Variants in HNF1A observed in about 807,000 individuals in gnomAD.
HNF1A encodes the protein HNF1 homeobox A.
In HNF1A, 21 loss-of-function variants were observed where a neutral mutation model predicts 62.2. The observed-to-expected ratio is 0.34, with a 90% CI of 0.24 to 0.49. The LOEUF (loss-of-function observed/expected upper bound fraction) is 0.49, where lower values mean the gene tolerates loss of function less well. Ranked by LOEUF, HNF1A falls within the 20% of genes least tolerant of loss-of-function variation. HNF1A has a pLI of 0.99. For missense variants in HNF1A, 687 were observed against 832.3 expected, an observed-to-expected ratio of 0.83 and a Z score of 2.15; for synonymous variants, 374 against 366.8, an observed-to-expected ratio of 1.02 and a Z score of -0.22.
At chr12:121,000,942 T>C in intron 9 of HNF1A, 123 bp from the exon 10 acceptor site, 1 of 1,368,258 alleles carries the variant, frequency 7.3e-7, no homozygotes, top group Non-Finnish European at 1.0e-6. Flanking sequence ...TTGGGGTTCC[T>C]GTTATCTGCT....
At chr12:120,982,849 T>C (rs911310323) in intron 1 of HNF1A, among the ~76,000 whole-genome samples, 1 of 152,202 alleles carries the variant, frequency 6.6e-6, no homozygotes, top group Admixed American at 6.5e-5. Context: ...CAGTCATTCC[T>C]GCTGTTTAAG....
Position 120,997,620 on chromosome 12 carries a change from C to T in HNF1A, c.1456C>T (p.Gln486Ter), listed in dbSNP as rs1326463452. 6.2e-7 allele frequency: 1 copy of T among 1,613,594 alleles called. No individual in the cohort carries two copies. Among genetic ancestry groups the T allele is most frequent in the Admixed American group, 1.7e-5 (1 of 60,000 alleles). Residue 486 changes from glutamine (Q) to a stop codon, truncating the protein, a stop_gained, in exon 7 of 10, where the codon CAG becomes TAG. Transcript: ENST00000257555. LOFTEE classifies it high-confidence loss of function. ...LMPPVQSHVT[Q>*]SPFMATMAQL... is the part of the protein sequence containing the mutation. ...GCCACCTGTGCAGAGCCATGTGACC[C>T]AGAGCCCCTTCATGGCCACCATGGC...
Position 121,001,252 on chromosome 12 carries a change from C to T in HNF1A, c.*60C>T. 1 of 1,596,256 alleles carries T rather than the reference C, an allele frequency of 6.3e-7. No homozygotes were observed. The highest frequency in any genetic ancestry group is 8.5e-7 in the Non-Finnish European group (1 of 1,170,210). On this transcript the variant is annotated 3_prime_UTR_variant, in exon 10 of 10. Coordinates refer to ENST00000257555, the MANE Select transcript of HNF1A (RefSeq NM_000545.8). ...GCTTGGGGGGTGATGAGGGCAGCAG[C>T]CAGCCCTGCCTGGAGGACCTGAGCC...
chr12:120,995,365 A>C (rs1196079594), intron 4 of HNF1A, among the ~76,000 whole-genome samples: 3 of 141,644 alleles, frequency 2.1e-5, no homozygotes, highest in African/African-American at 5.3e-5. Flanking sequence ...CATCCACTGC[A>C]CTCCAACCAG....
At chr12:120,983,054 G>C (rs1876331317) in intron 1 of HNF1A, among the ~76,000 whole-genome samples, 1 of 152,328 alleles carries the variant, frequency 6.6e-6, no homozygotes, top group Non-Finnish European at 1.5e-5. Context: ...ACACTGAGAA[G>C]TCAGCTCCCC....
intron 4 of HNF1A, among the ~76,000 whole-genome samples, chr12:120,994,878 AC>A (rs1180485545): frequency 9.0e-6 from 1 of 111,382 alleles, no homozygotes; most frequent in Non-Finnish European, 2.2e-5. Context: ...CATCCACTCC[AC>A]TCCATCCATT....
At position 120,987,388 on chromosome 12, in the gene HNF1A, C is replaced by T. The variant is rs546629088; in HGVS notation, c.327-1445C>T. On this transcript the variant is annotated intron_variant, in intron 1 of 9. Coordinates refer to ENST00000257555, the MANE Select transcript of HNF1A (RefSeq NM_000545.8). ...TACTTGGGAGGCTGAGGCAGGAGAACGGCATGAACCCAGGAGGTGGAACTT... is the reference window on the plus strand; with the variant it reads ...TACTTGGGAGGCTGAGGCAGGAGAATGGCATGAACCCAGGAGGTGGAACTT... Among the ~76,000 whole-genome samples, 15 of 149,344 alleles carry T rather than the reference C, an allele frequency of 1.0e-4. No homozygotes were observed. In the East Asian group the frequency reaches 1.4e-3, roughly 14 times the overall value.
rs757428536 is a variant in HNF1A at position 120,988,815 on chromosome 12, G to A, written c.327-18G>A. The A allele has an allele frequency of 1.2e-4, 200 of 1,613,568 alleles. No homozygotes were observed. Among genetic ancestry groups the A allele is most frequent in the Non-Finnish European group, 1.4e-4 (167 of 1,179,654 alleles). On this transcript the variant is annotated intron_variant, in intron 1 of 9. Transcript: ENST00000257555. ...AGACAGCCCTTGCTGAGCAGATCCCGTCCTTGCCCTCTCCCAGGGAGGACC... is the reference window on the plus strand; with the variant it reads ...AGACAGCCCTTGCTGAGCAGATCCCATCCTTGCCCTCTCCCAGGGAGGACC...
intron 1 of HNF1A, among the ~76,000 whole-genome samples, chr12:120,986,796 C>A (rs143725726): frequency 1.6e-4 from 24 of 152,104 alleles, no homozygotes; most frequent in Admixed American, 1.6e-3. Context: ...TCCATGTTGG[C>A]CAGGCTGGTC....
chr12:120,980,011 C>T (rs1269734707), intron 1 of HNF1A, among the ~76,000 whole-genome samples: 1 of 152,020 alleles, frequency 6.6e-6, no homozygotes, highest in Admixed American at 6.6e-5. Context: ...AGGGGCCACC[C>T]CTCCCCAGCG....
Position 120,978,614 on chromosome 12 carries a change from G to A in HNF1A, c.-155G>A, listed in dbSNP as rs926722426. 1.4e-6 allele frequency: 1 copy of A among 725,044 alleles called. No homozygotes were observed. The highest frequency in any genetic ancestry group is 2.4e-6 in the Non-Finnish European group (1 of 410,756). The allele number at this position is 725,044 out of a possible 1,614,324, so 44.9% of individuals were successfully genotyped here. ...CTGGGGCCAGGGTTGGGGGTTGGGG[G>A]TGCCCACAGGGCTTGGCTAGTGGGG... On this transcript the variant is annotated 5_prime_UTR_variant, in exon 1 of 10. In the 5' UTR this introduces an upstream ATG that the reference lacks. Coordinates refer to ENST00000257555, the MANE Select transcript of HNF1A (RefSeq NM_000545.8).
intron 4 of HNF1A, among the ~76,000 whole-genome samples, chr12:120,994,809 C>T (rs1007469710): frequency 6.6e-6 from 1 of 150,642 alleles, no homozygotes; most frequent in African/African-American, 2.4e-5. Context: ...CCCCATCCAT[C>T]CACTCCACTC....
Position 120,997,439 on chromosome 12 carries a change from G to A in HNF1A, c.1310-35G>A, listed in dbSNP as rs755517662. The A allele has an allele frequency of 4.4e-6, 7 of 1,575,006 alleles. No individual in the cohort carries two copies. In the South Asian group the frequency reaches 5.8e-5, roughly 13 times the overall value. ...CTTGGGCAGGGGTGGGATATAACTG[G>A]GGGGCCCAGCTGATTCCCTCCCCTT... On this transcript the variant is annotated intron_variant, in intron 6 of 9. Transcript: ENST00000257555.
intron 1 of HNF1A, among the ~76,000 whole-genome samples, chr12:120,984,522 G>A (rs1408810921): frequency 6.6e-6 from 1 of 152,070 alleles, no homozygotes; most frequent in African/African-American, 2.4e-5. Flanking sequence ...GGAGGACATG[G>A]CACAGGAGGG....
In HNF1A at chr12:120,996,690, T is replaced by C. The variant is rs780594836; in HGVS notation, c.1257T>C (p.Pro419=). 1 of 1,614,114 alleles carries C rather than the reference T, an allele frequency of 6.2e-7. No homozygotes were observed. Among genetic ancestry groups the C allele is most frequent in the Non-Finnish European group, 8.5e-7 (1 of 1,180,032 alleles). The part of the protein sequence containing the change: ...PGVMTIGPGE[P]ASLGPTFTNT... ...TCATGACCATCGGGCCTGGTGAGCC[T>C]GCCTCCCTGGGTCCTACGTTCACCA... The change falls in exon 6 of 10, where the codon CCT becomes CCC. Residue 419 remains proline, a synonymous_variant. Coordinates refer to ENST00000257555, the MANE Select transcript of HNF1A (RefSeq NM_000545.8). This position sits in a 1 kb window ranked among gnomAD's most constrained non-coding sequence, Gnocchi z 4.5.
chr12:120,998,834 GTAGCACCTGTGCTTAGTACA>G (rs1380106599), intron 7 of HNF1A, among the ~76,000 whole-genome samples: 4 of 151,484 alleles, frequency 2.6e-5, no homozygotes, highest in Non-Finnish European at 4.4e-5. Flanking sequence ...GTTTAGTACA[GTAGCACCTGTGCTTAGTACA>G]TAGCACCTGT....
At chr12:120,981,490 C>A (rs979172912) in intron 1 of HNF1A, among the ~76,000 whole-genome samples, 6 of 152,192 alleles carry the variant, frequency 3.9e-5, no homozygotes, top group African/African-American at 1.4e-4. Context: ...CTCCCTCCAC[C>A]CCACCAAATT....
At chr12:120,987,590 ATAT>A (rs762529504) in intron 1 of HNF1A, among the ~76,000 whole-genome samples, 27,950 of 149,432 alleles carry the variant, frequency 0.19, 2,986 homozygotes, top group African/African-American at 0.28. Context: ...ATTTTTAAAA[ATAT>A]ATATATATAT....
intron 1 of HNF1A, among the ~76,000 whole-genome samples, chr12:120,982,954 G>A (rs1876327406): frequency 6.6e-6 from 1 of 152,188 alleles, no homozygotes; most frequent in Non-Finnish European, 1.5e-5. Flanking sequence ...CATCTCTGAA[G>A]TCTGAAATAT....
Sources: allele counts gnomAD v4.1 joint callset (sites outside exome capture counted in the v4.1 genomes callset), GRCh38; gene constraint gnomAD v4.1.1; non-coding constraint Gnocchi (gnomAD v3.1); transcripts MANE v1.5; gene names NCBI Gene and HGNC (gene_info 2026-07-23, HGNC 2026-07-21).